The following CFAP69 variants were observed in gnomAD, a reference collection of about 807,000 sequenced individuals.
The protein encoded by CFAP69 is cilia- and flagella-associated protein 69.
In CFAP69, 92 loss-of-function variants were observed where a neutral mutation model predicts 123.0. The ratio of observed to expected loss-of-function variants is 0.75; its 90% CI spans 0.63 to 0.89. The LOEUF is 0.89. Ranked by LOEUF, CFAP69 falls within the 40% of genes least tolerant of loss-of-function variation. The pLI, the probability that CFAP69 is intolerant of heterozygous loss-of-function variation, is 0.00. For missense variants in CFAP69, 1,067 were observed against 1,096.9 expected (o/e 0.97, Z 0.39); for synonymous variants, 380 against 364.3 (o/e 1.04, Z -0.49).
chr7:90,311,019 A>C lies in CFAP69; in HGVS notation c.*781A>C, dbSNP rs1035157890. 2 of 152,168 alleles carry C rather than the reference A, an allele frequency of 1.3e-5. No individual in the cohort carries two copies. Among genetic ancestry groups the C allele is most frequent in the African/African-American group, 4.8e-5 (2 of 41,446 alleles). 9.4% of individuals were successfully genotyped at this position (152,168 alleles called of 1,614,324 possible). A position where few individuals can be genotyped will look rare whatever the true frequency, so the allele number is the denominator to read the frequency against. ...AATGGTAAAAAAGAAAAAAAAATGC[A>C]GCTGGTTTTACTCTTAATATATAAA... On this transcript the variant is annotated 3_prime_UTR_variant, in exon 23 of 23. Coordinates refer to ENST00000389297, the MANE Select transcript of CFAP69 (RefSeq NM_001039706.3).
At chr7:90,283,104 TA>T (rs754724194) in intron 13 of CFAP69, 48 bp downstream of exon 13, 34 of 1,346,246 alleles carry the variant, frequency 2.5e-5, no homozygotes, top group African/African-American at 7.6e-5. Flanking sequence ...ATATTTTTAA[TA>T]GTAGTAGTTT....
intron 1 of CFAP69, among the ~76,000 whole-genome samples, chr7:90,251,105 T>C (rs1796956404): frequency 6.6e-6 from 1 of 152,144 alleles, no homozygotes. Context: ...CTTTTCATAA[T>C]TAAATTCTTC....
At chr7:90,297,903 C>A in intron 16 of CFAP69, 73 bp downstream of exon 16, 2 of 957,990 alleles carry the variant, frequency 2.1e-6, no homozygotes, top group Non-Finnish European at 3.2e-6. Context: ...AACTGAATGC[C>A]ACAGAGCACA....
chr7:90,312,854 A>T (rs1179577680), downstream of CFAP69: 1 of 152,234 alleles, frequency 6.6e-6, no homozygotes, highest in Non-Finnish European at 1.5e-5. Flanking sequence ...CAACTGAATG[A>T]AAAGGAAGTC....
Position 90,306,656 on chromosome 7 carries a change from G to T in CFAP69, c.2266-245G>T, listed in dbSNP as rs759147684. Among the ~76,000 whole-genome samples the T allele has an allele frequency of 2.0e-5, 3 of 152,186 alleles. No homozygotes were observed. In the South Asian group the frequency reaches 6.2e-4, roughly 31 times the overall value. Reference sequence around the variant, plus strand: ...CAGTGATGATGGTGATGATGGCAGGGAACTAGGCATAGGAGAGCCTTATCC... The same window carrying T: ...CAGTGATGATGGTGATGATGGCAGGTAACTAGGCATAGGAGAGCCTTATCC... On this transcript the variant is annotated intron_variant, in intron 19 of 22. Coordinates refer to ENST00000389297, the MANE Select transcript of CFAP69 (RefSeq NM_001039706.3).
chr7:90,247,157 C>T (rs1434997146), intron 1 of CFAP69, among the ~76,000 whole-genome samples: 3 of 152,162 alleles, frequency 2.0e-5, no homozygotes, highest in Non-Finnish European at 4.4e-5. Flanking sequence ...CCTCAGCCTT[C>T]TTGTTTTTTG....
intron 15 of CFAP69, among the ~76,000 whole-genome samples, chr7:90,290,971 G>A (rs1372599091): frequency 6.6e-6 from 1 of 152,064 alleles, no homozygotes; most frequent in Admixed American, 6.6e-5. Context: ...AAGAGTGCAA[G>A]TAGCCCCGGC....
intron 11 of CFAP69, among the ~76,000 whole-genome samples, chr7:90,278,120 G>T (rs1185396087): frequency 6.6e-6 from 1 of 152,126 alleles, no homozygotes; most frequent in Non-Finnish European, 1.5e-5. Flanking sequence ...CTATGAAAAA[G>T]AAGTAGGAAT....
intron 12 of CFAP69, among the ~76,000 whole-genome samples, chr7:90,282,492 G>A (rs1227294578): frequency 5.9e-5 from 9 of 152,166 alleles, no homozygotes; most frequent in Non-Finnish European, 8.8e-5. Context: ...ATGGATATAA[G>A]AGGACATGAA....
Position 90,306,894 on chromosome 7 carries a change from A to G in CFAP69, c.2266-7A>G, listed in dbSNP as rs772634825. 3 of 1,448,402 alleles carry G rather than the reference A, an allele frequency of 2.1e-6. No individual in the cohort carries two copies. Among genetic ancestry groups the G allele is most frequent in the Non-Finnish European group, 2.9e-6 (3 of 1,045,164 alleles). 89.7% of individuals were successfully genotyped at this position (1,448,402 alleles called of 1,614,324 possible). A position where few individuals can be genotyped will look rare whatever the true frequency, so the allele number is the denominator to read the frequency against. ...TAATTTAACTTTGTTAAACTTTGTT[A>G]TAACAGATTGGAGAAATATGGAATG... On this transcript the variant is annotated splice_polypyrimidine_tract_variant and splice_region_variant and intron_variant, in intron 19 of 22. Coordinates refer to ENST00000389297, the MANE Select transcript of CFAP69 (RefSeq NM_001039706.3).
chr7:90,294,678 C>G (rs1465283338), intron 15 of CFAP69, among the ~76,000 whole-genome samples: 1 of 152,204 alleles, frequency 6.6e-6, no homozygotes, highest in East Asian at 1.9e-4. Flanking sequence ...GACCAGTTTG[C>G]TGGGCCATCT....
At chr7:90,253,252 A>AC (rs1027717131) in intron 1 of CFAP69, among the ~76,000 whole-genome samples, 4 of 152,158 alleles carry the variant, frequency 2.6e-5, no homozygotes, top group African/African-American at 9.7e-5. Flanking sequence ...CAAGGCATTA[A>AC]CCCCCAAGAT....
intron 3 of CFAP69, among the ~76,000 whole-genome samples, chr7:90,260,777 A>G (rs1413167557): frequency 6.6e-6 from 1 of 151,112 alleles, no homozygotes. Context: ...TGACATCTCA[A>G]CACCTCCATT....
chr7:90,279,690 G>A lies in CFAP69; in HGVS notation c.1169G>A (p.Gly390Asp), dbSNP rs1162277201. ...TCTTTCTCACAGCTATTAATTGATG[G>A]CAAAGTTATTTTGGCTTTGTTTACC... ...DLPTVQLLID[G>D]KVILALFTYV... is the part of the protein sequence containing the mutation. The change falls in exon 12 of 23, where the codon GGC becomes GAC. Residue 390 changes from glycine to aspartate, a missense_variant. Gly to Asp is a moderately conservative substitution (Grantham distance 94). Transcript: ENST00000389297. 2 of 1,599,570 alleles carry A rather than the reference G, an allele frequency of 1.3e-6. No homozygotes were observed. Among genetic ancestry groups the A allele is most frequent in the Non-Finnish European group, 1.7e-6 (2 of 1,174,820 alleles).
At chr7:90,285,993 A>G (rs2117127266) in intron 13 of CFAP69, among the ~76,000 whole-genome samples, 1 of 152,256 alleles carries the variant, frequency 6.6e-6, no homozygotes, top group South Asian at 2.1e-4. Flanking sequence ...TGCAATGAAA[A>G]TATCCTCTTC....
At chr7:90,256,780 G>T (rs746721248) in intron 2 of CFAP69, among the ~76,000 whole-genome samples, 4 of 152,144 alleles carry the variant, frequency 2.6e-5, no homozygotes, top group Non-Finnish European at 4.4e-5. Context: ...TGCATAGAGT[G>T]CCTATTAGCT....
chr7:90,278,264 C>A (rs1057196062), intron 11 of CFAP69, among the ~76,000 whole-genome samples: 1 of 152,064 alleles, frequency 6.6e-6, no homozygotes, highest in Non-Finnish European at 1.5e-5. Context: ...TTCTCTAAAT[C>A]CCAGGTAGCT....
intron 1 of CFAP69, among the ~76,000 whole-genome samples, chr7:90,250,451 A>AAAGGAC (rs1796880301): frequency 1.3e-5 from 2 of 152,304 alleles, no homozygotes; most frequent in South Asian, 4.1e-4. Context: ...CAGACACATG[A>AAAGGAC]AAGGACCACT....
chr7:90,280,303 TC>T (rs1407736478), intron 12 of CFAP69, among the ~76,000 whole-genome samples: 1 of 152,166 alleles, frequency 6.6e-6, no homozygotes, highest in Admixed American at 6.5e-5. Flanking sequence ...GCTCTAGCGA[TC>T]CTCCCACCCC....
Sources: allele counts gnomAD v4.1 joint callset (sites outside exome capture counted in the v4.1 genomes callset), GRCh38; gene constraint gnomAD v4.1.1; transcripts MANE v1.5; gene names NCBI Gene and HGNC (gene_info 2026-07-23, HGNC 2026-07-21).